The following POTEF variants were observed in gnomAD, a reference collection of about 807,000 sequenced individuals.
POTEF encodes the protein POTE ankyrin domain family member F, also known as ANKRD26-like family C member 1B.
Under a neutral mutation model 83.2 loss-of-function variants are expected in POTEF, and 20 were observed. The observed-to-expected ratio is 0.24, with a 90% confidence interval of 0.17 to 0.35. The LOEUF (loss-of-function observed/expected upper bound fraction) is 0.35, where lower values mean the gene tolerates loss of function less well. POTEF is among the 10% of genes least tolerant of loss of function. The pLI is 1.00. For missense variants in POTEF, 550 were observed against 1,203.2 expected, an observed-to-expected ratio of 0.46 and a Z score of 8.03; for synonymous variants, 196 against 446.4, an observed-to-expected ratio of 0.44 and a Z score of 7.07.
At chr2:130,118,925 G>C (rs1417428504) in intron 3 of POTEF, among the ~76,000 whole-genome samples, 1 of 149,722 alleles carries the variant, frequency 6.7e-6, no homozygotes, top group Non-Finnish European at 1.5e-5. Flanking sequence ...ACATATATTT[G>C]GGTATTTCTA....
chr2:130,074,001 A>G lies in POTEF; in HGVS notation c.*243T>C. 2.9e-5 allele frequency: 24 copies of G among 835,826 alleles called. No individual in the cohort carries two copies. Among genetic ancestry groups the G allele is most frequent in the Non-Finnish European group, 4.0e-5 (22 of 549,556 alleles). 51.8% of individuals were successfully genotyped at this position (835,826 alleles called of 1,614,324 possible). ...GCGTCTCACAATATTTGGAATGACT[A>G]TTGAAAAGAAGAACAAGGTACAATC... On this transcript the variant is annotated 3_prime_UTR_variant, in exon 17 of 17. Coordinates refer to ENST00000409914, the MANE Select transcript of POTEF (RefSeq NM_001099771.2).
chr2:130,119,730 CTT>C (rs1391393069), intron 3 of POTEF, among the ~76,000 whole-genome samples: 6 of 147,712 alleles, frequency 4.1e-5, no homozygotes, highest in Non-Finnish European at 7.5e-5. Context: ...GCTGCATTGA[CTT>C]AATTAATTTT....
intron 11 of POTEF, among the ~76,000 whole-genome samples, chr2:130,099,089 G>A (rs564199451): frequency 1.4e-5 from 1 of 70,942 alleles, no homozygotes; most frequent in East Asian, 3.5e-4. Context: ...GAGCGTCGCG[G>A]GAGGGAGACG....
chr2:130,114,378 T>C (rs1197113346), intron 5 of POTEF, among the ~76,000 whole-genome samples: 3 of 149,264 alleles, frequency 2.0e-5, no homozygotes, highest in African/African-American at 5.0e-5. Context: ...CTGATTGCTC[T>C]CTTTTTTGCT....
At chr2:130,103,102 CTTTT>C (rs60152509) in intron 8 of POTEF, among the ~76,000 whole-genome samples, 64,672 of 125,950 alleles carry the variant, frequency 0.51, 15,849 homozygotes, top group Admixed American at 0.64. Flanking sequence ...TTCTTTCTTT[CTTTT>C]TTTTTTTTTT....
rs1399322172 is a variant in POTEF at position 130,100,658 on chromosome 2, TTGAA to T, written c.1242+14_1242+17del. 3.8e-6 allele frequency: 6 copies of T among 1,589,580 alleles called. No homozygotes were observed. The highest frequency in any genetic ancestry group is 3.4e-6 in the Non-Finnish European group (4 of 1,172,454). On this transcript the variant is annotated intron_variant, in intron 10 of 16. Coordinates refer to ENST00000409914, the MANE Select transcript of POTEF (RefSeq NM_001099771.2). ...TAAAAATCTAATTCAACAGAAACAT[TTGAA>T]TATGAAGGTATACCTCTCTATCACC...
rs564375247 is a variant in POTEF at position 130,114,355 on chromosome 2, G to A, written c.810+526C>T. Among the ~76,000 whole-genome samples the A allele has an allele frequency of 5.0e-3, 743 of 150,044 alleles. 4 individuals carry two copies. Among genetic ancestry groups the A allele is most frequent in the Non-Finnish European group, 7.3e-3 (495 of 67,610 alleles). ...CCCTCCATTATCTAATTTCCAAATTGGCCTTGATATTTCTGATTGCTCTCT... is the reference window on the plus strand; with the variant it reads ...CCCTCCATTATCTAATTTCCAAATTAGCCTTGATATTTCTGATTGCTCTCT... On this transcript the variant is annotated intron_variant, in intron 5 of 16. Transcript: ENST00000409914.
chr2:130,126,234 C>T (rs1219369021), intron 2 of POTEF, among the ~76,000 whole-genome samples: 4 of 125,608 alleles, frequency 3.2e-5, no homozygotes, highest in African/African-American at 9.5e-5. Flanking sequence ...ACCCAGGAAG[C>T]GGAGGTTGCA....
chr2:130,108,128 A>T (rs1246342560), intron 7 of POTEF, 49 bp from the exon 8 acceptor site: 9 of 1,529,068 alleles, frequency 5.9e-6, no homozygotes, highest in Non-Finnish European at 6.2e-6. Flanking sequence ...ATACTGATAT[A>T]AAAAAACTTA....
In POTEF at chr2:130,120,394, C is replaced by T; in HGVS notation, c.122G>A (p.Ser41Asn). 6.2e-7 allele frequency: 1 copy of T among 1,612,634 alleles called. No homozygotes were observed. Among genetic ancestry groups the T allele is most frequent in the Middle Eastern group, 1.7e-4 (1 of 6,044 alleles). Residue 41 changes from serine to asparagine, a missense_variant, in exon 3 of 17, where the codon AGC (serine) becomes AAC (asparagine). Ser to Asn is a conservative substitution (Grantham distance 46, BLOSUM62 1). Transcript: ENST00000409914. ...GTGGTCTCCAGAAGTGCCCACGTTG[C>T]TCTTGCCGCTCTCCCTGCAGCAGGG... Reference protein sequence around the residue: ...CFPCCRESGKSNVGTSGDHDD... With the variant: ...CFPCCRESGKNNVGTSGDHDD...
Position 130,112,102 on chromosome 2 carries a change from C to A in POTEF, c.811-1G>T, listed in dbSNP as rs1684730290. The A allele has an allele frequency of 6.7e-7, 1 of 1,485,096 alleles. No homozygotes were observed. Among genetic ancestry groups the A allele is most frequent in the African/African-American group, 2.0e-5 (1 of 49,626 alleles). The allele number at this position is 1,485,096 out of a possible 1,614,324, so 92.0% of individuals were successfully genotyped here. On this transcript the variant is annotated splice_acceptor_variant, in intron 5 of 16. Transcript: ENST00000409914. LOFTEE classifies it high-confidence loss of function. ...CAAGTAACAGTGGTGTGAGGCCATG[C>A]TGTAAAACAATATAAAGCAAAAACC...
rs1266176280 is a variant in POTEF at position 130,120,520 on chromosome 2, T to C, written c.-5A>G. 6.2e-7 allele frequency: 1 copy of C among 1,612,520 alleles called. No homozygotes were observed. The highest frequency in any genetic ancestry group is 8.5e-7 in the Non-Finnish European group (1 of 1,179,770). On this transcript the variant is annotated 5_prime_UTR_variant, in exon 3 of 17. Transcript: ENST00000409914. ...GGAATCAACCTCAACCACCATCTGCTTTTAACAGCCAGGAGAAGCCAGTAG... is the reference window on the plus strand; with the variant it reads ...GGAATCAACCTCAACCACCATCTGCCTTTAACAGCCAGGAGAAGCCAGTAG...
At position 130,113,598 on chromosome 2, in the gene POTEF, C is replaced by CAA. The variant is rs991135456; in HGVS notation, c.810+1281_810+1282dup. 5.2e-5 allele frequency among the ~76,000 whole-genome samples: 5 copies of CAA among 96,174 alleles called. 1 individual carries two copies. The highest frequency in any genetic ancestry group is 1.5e-4 in the African/African-American group (4 of 27,240). 63.1% of individuals were successfully genotyped at this position (96,174 alleles called of 152,430 possible). A position where few individuals can be genotyped will look rare whatever the true frequency, so the allele number is the denominator to read the frequency against. On this transcript the variant is annotated intron_variant, in intron 5 of 16. Coordinates refer to ENST00000409914, the MANE Select transcript of POTEF (RefSeq NM_001099771.2). ...CAGGCTAGACTCGAACTCCTGAGCT[C>CAA]AAGCAATCCTCCCACCTCAGCCTCC...
intron 16 of POTEF, among the ~76,000 whole-genome samples, chr2:130,075,889 C>A (rs567040583): frequency 6.6e-6 from 1 of 150,772 alleles, no homozygotes; most frequent in South Asian, 2.1e-4. Flanking sequence ...TTAAAAAAAG[C>A]CTTTTTTCTG....
At chr2:130,105,045 G>C (rs1207570604) in intron 8 of POTEF, among the ~76,000 whole-genome samples, 74 of 149,530 alleles carry the variant, frequency 4.9e-4, no homozygotes, top group African/African-American at 1.8e-3. Context: ...CTCACATCCA[G>C]GTTAAATACT....
At chr2:130,103,795 G>A (rs1684438525) in intron 8 of POTEF, among the ~76,000 whole-genome samples, 1 of 141,950 alleles carries the variant, frequency 7.0e-6, no homozygotes, top group East Asian at 2.0e-4. Context: ...GTGACGGCAT[G>A]CCACGCAGCA....
chr2:130,116,924 C>G (rs1168344272), intron 3 of POTEF, among the ~76,000 whole-genome samples: 3 of 97,162 alleles, frequency 3.1e-5, no homozygotes, highest in African/African-American at 1.5e-4. Context: ...TCAAGCCCAG[C>G]AGATAAACAT....
intron 2 of POTEF, among the ~76,000 whole-genome samples, chr2:130,126,432 G>C (rs1685095248): frequency 6.6e-6 from 1 of 151,964 alleles, no homozygotes; most frequent in African/African-American, 2.4e-5. Context: ...CTCCAAATAT[G>C]TGAGAGAGAT....
chr2:130,120,496 G>C lies in POTEF; in HGVS notation c.20C>G (p.Ser7Cys), dbSNP rs749206235. MVVEVD[S>C]MPAASSVKKP... The stretch of plus-strand genomic sequence containing the variant: ...CTTCACAGAAGAGGCAGCCGGCATG[G>C]AATCAACCTCAACCACCATCTGCTT... The change falls in exon 3 of 17, where the codon TCC becomes TGC. Residue 7 changes from serine to cysteine, a missense_variant. Ser to Cys is a moderately radical substitution (Grantham distance 112). Transcript: ENST00000409914. The C allele has an allele frequency of 3.1e-6, 5 of 1,613,028 alleles. No homozygotes were observed. Among genetic ancestry groups the C allele is most frequent in the Non-Finnish European group, 4.2e-6 (5 of 1,179,860 alleles).
Sources: gnomAD v4.1 joint callset for allele counts (sites outside exome capture counted in the v4.1 genomes callset) on GRCh38, gnomAD v4.1.1 for gene constraint, MANE v1.5 for transcripts, NCBI Gene and HGNC (gene_info 2026-07-23, HGNC 2026-07-21) for gene names.